Variants in KLF12 observed in about 807,000 individuals in gnomAD.
KLF12 encodes the protein Krueppel-like factor 12.
KLF12 carries 9 observed loss-of-function variants against 37.8 expected under a neutral mutation model. The observed-to-expected ratio is 0.24, with a 90% CI of 0.14 to 0.42. The LOEUF (loss-of-function observed/expected upper bound fraction) is 0.42. Ranked by LOEUF, KLF12 falls within the 10% of genes least tolerant of loss-of-function variation. The probability of loss-of-function intolerance (pLI) is 1.00; values close to 1 mark genes in which losing one functional copy is unlikely to be tolerated. For synonymous variants in KLF12, 208 were observed against 202.1 expected (o/e 1.03, Z -0.25); for missense variants, 411 against 516.0 (o/e 0.80, Z 1.97).
At chr13:73,966,236 C>G (rs1310311918) in intron 2 of KLF12, among the ~76,000 whole-genome samples, 1 of 152,052 alleles carries the variant, frequency 6.6e-6, no homozygotes, top group African/African-American at 2.4e-5. Context: ...TCTTAAGTAT[C>G]AAAATCAAAA....
chr13:74,025,322 A>T (rs1347850104), intron 1 of KLF12, among the ~76,000 whole-genome samples: 1 of 152,164 alleles, frequency 6.6e-6, no homozygotes, highest in Non-Finnish European at 1.5e-5. Flanking sequence ...TCTACAAAAA[A>T]AAAAAAAATC....
chr13:74,161,713 C>T, the KLF12 span, among the ~76,000 whole-genome samples: 1 of 152,170 alleles, frequency 6.6e-6, no homozygotes. Flanking sequence ...AATTTCAGAC[C>T]CAGCCTCAGG....
At chr13:73,763,292 T>G (rs1445278463) in intron 6 of KLF12, among the ~76,000 whole-genome samples, 1 of 152,220 alleles carries the variant, frequency 6.6e-6, no homozygotes, top group East Asian at 1.9e-4. Flanking sequence ...TATGTGCCTG[T>G]GTATGTGACA....
At chr13:73,930,924 C>T (rs1889643335) in intron 3 of KLF12, among the ~76,000 whole-genome samples, 1 of 130,044 alleles carries the variant, frequency 7.7e-6, no homozygotes, top group African/African-American at 2.9e-5. Flanking sequence ...AGTGCAATGG[C>T]GCGATCTCGG....
At chr13:73,838,045 C>T (rs762511047) in intron 4 of KLF12, among the ~76,000 whole-genome samples, 2 of 152,102 alleles carry the variant, frequency 1.3e-5, no homozygotes, top group Non-Finnish European at 2.9e-5. Context: ...AACAAAGACA[C>T]CAACAAGTGA....
intron 6 of KLF12, among the ~76,000 whole-genome samples, chr13:73,744,579 T>TG (rs1878234938): frequency 6.8e-6 from 1 of 146,200 alleles, no homozygotes; most frequent in African/African-American, 2.5e-5. Flanking sequence ...AATGGGGGGT[T>TG]GTGGGGGGTG....
intron 3 of KLF12, among the ~76,000 whole-genome samples, chr13:73,899,623 C>T (rs1020553512): frequency 1.2e-4 from 19 of 152,068 alleles, no homozygotes; most frequent in African/African-American, 4.3e-4. Context: ...AAGGAAGATC[C>T]GCACTTATCC....
At chr13:73,784,631 C>CT (rs555038538) in intron 5 of KLF12, among the ~76,000 whole-genome samples, 7,552 of 136,826 alleles carry the variant, frequency 0.055, 348 homozygotes, top group African/African-American at 0.096. Context: ...TCCTCATCTC[C>CT]TTTTTTTTTT....
intron 1 of KLF12, among the ~76,000 whole-genome samples, chr13:74,101,145 C>A (rs1480463765): frequency 6.6e-6 from 1 of 152,138 alleles, no homozygotes; most frequent in African/African-American, 2.4e-5. Flanking sequence ...TTGCCACCTC[C>A]CTGCAAGCCA....
intron 1 of KLF12, among the ~76,000 whole-genome samples, chr13:74,072,406 T>TATATATATATAA (rs1487459834): frequency 1.3e-4 from 16 of 119,714 alleles, no homozygotes; most frequent in South Asian, 2.6e-4. Flanking sequence ...TATATATATA[T>TATATATATATAA]AAAAGATTAT....
chr13:73,850,070 A>G (rs924027814), intron 3 of KLF12, among the ~76,000 whole-genome samples: 1 of 152,208 alleles, frequency 6.6e-6, no homozygotes, highest in Non-Finnish European at 1.5e-5. Context: ...TACATATTAA[A>G]TAATTGCACA....
the KLF12 span, among the ~76,000 whole-genome samples, chr13:74,147,998 G>T: frequency 6.6e-6 from 1 of 151,850 alleles, no homozygotes; most frequent in African/African-American, 2.4e-5. Flanking sequence ...TGCAACCTCG[G>T]CCTCTCAGGT....
intron 7 of KLF12, among the ~76,000 whole-genome samples, chr13:73,704,405 A>T (rs1223529838): frequency 1.3e-5 from 2 of 152,100 alleles, no homozygotes; most frequent in South Asian, 4.2e-4. Flanking sequence ...CAAATCGTCA[A>T]TGTCTCCAGT....
chr13:74,149,370 ATCT>A, the KLF12 span, among the ~76,000 whole-genome samples: 1 of 152,130 alleles, frequency 6.6e-6, no homozygotes, highest in South Asian at 2.1e-4. Context: ...ATTCCTTGTA[ATCT>A]TCTTCATCTC....
intron 6 of KLF12, among the ~76,000 whole-genome samples, chr13:73,755,921 T>C (rs956089490): frequency 5.9e-5 from 9 of 152,186 alleles, no homozygotes; most frequent in Admixed American, 5.9e-4. Context: ...TTGCTGCAAA[T>C]GCTATTGTTT....
chr13:73,918,101 A>C (rs937472090), intron 3 of KLF12, among the ~76,000 whole-genome samples: 4 of 151,976 alleles, frequency 2.6e-5, no homozygotes, highest in African/African-American at 9.7e-5. Flanking sequence ...CACCATATAC[A>C]CACACACATA....
At chr13:74,076,389 A>G (rs1254599406) in intron 1 of KLF12, among the ~76,000 whole-genome samples, 4 of 152,176 alleles carry the variant, frequency 2.6e-5, no homozygotes, top group African/African-American at 9.7e-5. Flanking sequence ...AGGGGCTGGA[A>G]GGTTTGTCAG....
chr13:73,878,677 A>C (rs1000126872), intron 3 of KLF12, among the ~76,000 whole-genome samples: 2 of 150,066 alleles, frequency 1.3e-5, no homozygotes, highest in Non-Finnish European at 3.0e-5. Context: ...AGGGCAAGAG[A>C]GTGCCATGGG....
chr13:74,218,101 T>G, the KLF12 span, among the ~76,000 whole-genome samples: 1 of 152,178 alleles, frequency 6.6e-6, no homozygotes, highest in Non-Finnish European at 1.5e-5. Context: ...GCTGCAAAGT[T>G]GAGAAGCAAA....
Sources: gnomAD v4.1 joint callset for allele counts (sites outside exome capture counted in the v4.1 genomes callset) on GRCh38, gnomAD v4.1.1 for gene constraint, MANE v1.5 for transcripts, NCBI Gene and HGNC (gene_info 2026-07-23, HGNC 2026-07-21) for gene names.